PAPSS1: variants seen among roughly 807,000 people sequenced by gnomAD.
The protein encoded by PAPSS1 is bifunctional 3'-phosphoadenosine 5'-phosphosulfate synthase 1.
A neutral mutation model predicts 72.0 loss-of-function variants in PAPSS1; 50 were observed. The observed-to-expected ratio is 0.69, with a 90% CI of 0.55 to 0.88. PAPSS1 has a LOEUF of 0.88. Among genes scored for constraint, PAPSS1 ranks in the 40% least tolerant of loss-of-function variants. The pLI, the probability that PAPSS1 is intolerant of heterozygous loss-of-function variation, is 0.00. For missense variants in PAPSS1, 657 were observed against 782.2 expected, an observed-to-expected ratio of 0.84 and a Z score of 1.91; for synonymous variants, 261 against 263.6, an observed-to-expected ratio of 0.99 and a Z score of 0.09.
At chr4:107,646,017 T>A (rs913461648) in intron 9 of PAPSS1, among the ~76,000 whole-genome samples, 3 of 152,116 alleles carry the variant, frequency 2.0e-5, no homozygotes, top group Non-Finnish European at 4.4e-5. Context: ...AAATCCAAGA[T>A]TTACAGCATG....
intron 5 of PAPSS1, among the ~76,000 whole-genome samples, chr4:107,676,354 A>G (rs1047235752): frequency 6.6e-6 from 1 of 152,226 alleles, no homozygotes; most frequent in African/African-American, 2.4e-5. Flanking sequence ...TACAAAATCA[A>G]TGTGCAAAAA....
At chr4:107,648,638 TC>T (rs1296353097) in intron 9 of PAPSS1, among the ~76,000 whole-genome samples, 1 of 152,162 alleles carries the variant, frequency 6.6e-6, no homozygotes, top group Non-Finnish European at 1.5e-5. Flanking sequence ...CTTTCTTCCC[TC>T]CCACCCAAGG....
intron 2 of PAPSS1, among the ~76,000 whole-genome samples, chr4:107,698,895 C>T (rs1306048282): frequency 6.6e-6 from 1 of 151,878 alleles, no homozygotes; most frequent in East Asian, 1.9e-4. Flanking sequence ...AACTATTTAA[C>T]CAAAGCCTAA....
At chr4:107,678,384 A>T (rs1727717300) in intron 5 of PAPSS1, among the ~76,000 whole-genome samples, 2 of 152,154 alleles carry the variant, frequency 1.3e-5, no homozygotes, top group South Asian at 4.1e-4. Flanking sequence ...AGATTCCAAA[A>T]GAGAGCATCA....
chr4:107,664,075 A>G (rs1233222839), intron 5 of PAPSS1, among the ~76,000 whole-genome samples: 1 of 152,184 alleles, frequency 6.6e-6, no homozygotes, highest in East Asian at 1.9e-4. Context: ...AAACCCTGCC[A>G]CTGTGAATAA....
chr4:107,636,380 T>C (rs1041494160), intron 10 of PAPSS1, among the ~76,000 whole-genome samples: 2 of 152,104 alleles, frequency 1.3e-5, no homozygotes, highest in African/African-American at 4.8e-5. Context: ...ATAATAGAAA[T>C]GTTGGGGAGA....
chr4:107,696,087 C>G (rs1723055973), intron 2 of PAPSS1, among the ~76,000 whole-genome samples: 1 of 152,032 alleles, frequency 6.6e-6, no homozygotes, highest in Non-Finnish European at 1.5e-5. Context: ...GCTGGAGAGG[C>G]TATGGAGAAA....
At chr4:107,646,551 G>T (rs1560571139) in intron 9 of PAPSS1, among the ~76,000 whole-genome samples, 3 of 152,024 alleles carry the variant, frequency 2.0e-5, no homozygotes, top group African/African-American at 4.8e-5. Context: ...ACATGAGCTG[G>T]AACACCTTTT....
At chr4:107,654,426 G>A (rs1053676501) in intron 8 of PAPSS1, among the ~76,000 whole-genome samples, 1 of 152,152 alleles carries the variant, frequency 6.6e-6, no homozygotes. Context: ...ACACTGTGCC[G>A]GTGGTGTCCC....
At position 107,622,997 on chromosome 4, in the gene PAPSS1, C is replaced by T. The variant is rs370670844; in HGVS notation, c.1737-8610G>A. 4.6e-5 allele frequency among the ~76,000 whole-genome samples: 7 copies of T among 152,324 alleles called. No homozygotes were observed. In the East Asian group the frequency reaches 1.4e-3, roughly 29 times the overall value. ...TAATATAACAATTATACTACAAGTC[C>T]TACTGACTGTGCCTCCTGAAGATGC... On this transcript the variant is annotated intron_variant, in intron 11 of 11. Coordinates refer to ENST00000265174, the MANE Select transcript of PAPSS1 (RefSeq NM_005443.5).
chr4:107,643,616 A>G (rs1185772029), intron 10 of PAPSS1, among the ~76,000 whole-genome samples: 1 of 152,098 alleles, frequency 6.6e-6, no homozygotes. Flanking sequence ...CTTAAACACA[A>G]GCTAACTGGG....
chr4:107,687,894 T>C (rs1488708471), intron 3 of PAPSS1, among the ~76,000 whole-genome samples: 1 of 151,972 alleles, frequency 6.6e-6, no homozygotes, highest in Non-Finnish European at 1.5e-5. Flanking sequence ...CAGCTCATTT[T>C]AGCATTTGCC....
chr4:107,652,352 T>A (rs1173760272), intron 9 of PAPSS1, among the ~76,000 whole-genome samples: 1 of 152,080 alleles, frequency 6.6e-6, no homozygotes, highest in Non-Finnish European at 1.5e-5. Context: ...GAACCTTGAA[T>A]TTGCAGGTAT....
chr4:107,643,923 T>A (rs573710117), intron 10 of PAPSS1, among the ~76,000 whole-genome samples: 4 of 152,204 alleles, frequency 2.6e-5, no homozygotes, highest in Admixed American at 1.3e-4. Context: ...TAGGAAACGA[T>A]CAGAATGGGA....
At chr4:107,699,978 A>G (rs1463174744) in intron 2 of PAPSS1, among the ~76,000 whole-genome samples, 2 of 152,192 alleles carry the variant, frequency 1.3e-5, no homozygotes, top group Non-Finnish European at 2.9e-5. Flanking sequence ...TAGTAAAATA[A>G]CTGATGGGAA....
At chr4:107,622,339 G>A (rs941275907) in intron 11 of PAPSS1, among the ~76,000 whole-genome samples, 1 of 152,116 alleles carries the variant, frequency 6.6e-6, no homozygotes, top group African/African-American at 2.4e-5. Context: ...CTTTCTCCCA[G>A]ATACTATAGT....
At chr4:107,666,402 T>G (rs1307021425) in intron 5 of PAPSS1, among the ~76,000 whole-genome samples, 1 of 152,228 alleles carries the variant, frequency 6.6e-6, no homozygotes, top group Non-Finnish European at 1.5e-5. Flanking sequence ...GTTAGTGTTT[T>G]CTATTTTCTT....
chr4:107,628,619 G>A (rs1726156104), intron 11 of PAPSS1, among the ~76,000 whole-genome samples: 1 of 152,168 alleles, frequency 6.6e-6, no homozygotes, highest in Non-Finnish European at 1.5e-5. Context: ...TGTTTTGCTT[G>A]TTGTATTATC....
intron 5 of PAPSS1, among the ~76,000 whole-genome samples, chr4:107,663,611 A>C (rs1206496552): frequency 6.6e-6 from 1 of 151,958 alleles, no homozygotes. Context: ...GGCCTAAGAG[A>C]GGTCAACAAC....
Sources: allele counts gnomAD v4.1 joint callset (sites outside exome capture counted in the v4.1 genomes callset), GRCh38; gene constraint gnomAD v4.1.1; transcripts MANE v1.5; gene names NCBI Gene and HGNC (gene_info 2026-07-23, HGNC 2026-07-21).